The following EXPH5 variants were observed in gnomAD, a reference collection of about 807,000 sequenced individuals.
The protein encoded by EXPH5 is exophilin-5.
Under a neutral mutation model 41.1 loss-of-function variants are expected in EXPH5, and 42 were observed. That is an observed-to-expected ratio of 1.02 (90% confidence interval 0.80 to 1.32). The LOEUF is 1.32. EXPH5 is among the 40% of genes most tolerant of loss of function. The probability of loss-of-function intolerance (pLI) is 0.00; values close to 1 mark genes in which losing one functional copy is unlikely to be tolerated. For missense variants in EXPH5, 2,298 were observed against 2,314.5 expected, an observed-to-expected ratio of 0.99 and a Z score of 0.15; for synonymous variants, 798 against 833.5, an observed-to-expected ratio of 0.96 and a Z score of 0.73.
chr11:108,573,198 A>AAAG lies in EXPH5; in HGVS notation c.119+20219_119+20220insCTT, dbSNP rs2094068640. Among the ~76,000 whole-genome samples the AAAG allele has an allele frequency of 7.3e-3, 789 of 108,274 alleles. 15 individuals are homozygous for AAAG. Among genetic ancestry groups the AAAG allele is most frequent in the East Asian group, 0.066 (238 of 3,608 alleles). The allele number at this position is 108,274 out of a possible 152,430, so 71.0% of individuals were successfully genotyped here. A position where few individuals can be genotyped will look rare whatever the true frequency, so the allele number is the denominator to read the frequency against. On this transcript the variant is annotated intron_variant, in intron 1 of 5. Coordinates refer to ENST00000265843, the MANE Select transcript of EXPH5 (RefSeq NM_015065.3). ...AAAGAAAGAAAGAAAGAAAGAAAGA[A>AAAG]AAAGAAAGAAAGAAAGAAAGAAAGG... is the stretch of plus-strand genomic sequence containing the variant.
chr11:108,601,829 A>T, the EXPH5 span, among the ~76,000 whole-genome samples: 1 of 151,720 alleles, frequency 6.6e-6, no homozygotes, highest in Non-Finnish European at 1.5e-5. Context: ...GCTCACTGCA[A>T]CCTCCACTTC....
intron 3 of EXPH5, among the ~76,000 whole-genome samples, chr11:108,532,362 ATATATTTTTTTTTTTTTTTT>A (rs1326203926): frequency 2.0e-4 from 4 of 20,152 alleles, no homozygotes; most frequent in African/African-American, 1.5e-3. Context: ...ATATATATAT[ATATATTTTTTTTTTTTTTTT>A]TTTTTTTTTT....
At chr11:108,594,539 A>T (rs1427926511), upstream of EXPH5, among the ~76,000 whole-genome samples, 1 of 152,234 alleles carries the variant, frequency 6.6e-6, no homozygotes, top group Non-Finnish European at 1.5e-5. Context: ...ATTGTTCCAC[A>T]ATGCAATGAA....
chr11:108,568,421 C>A (rs1017984666), intron 1 of EXPH5, among the ~76,000 whole-genome samples: 1 of 152,068 alleles, frequency 6.6e-6, no homozygotes. Flanking sequence ...AGCTTCTCTC[C>A]CAGAAGTCCT....
intron 3 of EXPH5, among the ~76,000 whole-genome samples, chr11:108,532,382 T>A (rs1203737058): frequency 3.2e-4 from 21 of 65,944 alleles, no homozygotes; most frequent in African/African-American, 1.8e-3. Flanking sequence ...TTTTTTTTTT[T>A]TTTTTTTTTT....
Position 108,510,568 on chromosome 11 carries a change from T to C in EXPH5, c.4939A>G (p.Thr1647Ala), listed in dbSNP as rs781010016. The C allele has an allele frequency of 4.3e-6, 7 of 1,613,864 alleles. No homozygotes were observed. In the Admixed American group the frequency reaches 5.0e-5, roughly 12 times the overall value. ...VECNPLFPEP[T>A]PKSAESIGES... ...CCAATGGACTCTGCAGATTTTGGAG[T>C]AGGCTCAGGGAACAGTGGGTTGCAC... Residue 1647 changes from threonine (T) to alanine (A), a missense_variant, in exon 6 of 6, where the codon ACT becomes GCT. Transcript: ENST00000265843.
At chr11:108,527,174 G>T (rs1243164473) in intron 4 of EXPH5, among the ~76,000 whole-genome samples, 1 of 152,076 alleles carries the variant, frequency 6.6e-6, no homozygotes, top group Non-Finnish European at 1.5e-5. Context: ...ATAAAAATTA[G>T]CTGGGTGTGG....
chr11:108,552,765 C>T (rs1424302570), intron 1 of EXPH5, among the ~76,000 whole-genome samples: 1 of 152,112 alleles, frequency 6.6e-6, no homozygotes, highest in Non-Finnish European at 1.5e-5. Flanking sequence ...CCCAAACAAA[C>T]AAAACTAGCT....
intron 4 of EXPH5, among the ~76,000 whole-genome samples, chr11:108,526,669 G>C (rs1162622091): frequency 6.6e-6 from 1 of 152,212 alleles, no homozygotes; most frequent in Non-Finnish European, 1.5e-5. Flanking sequence ...TGGGGTCCAT[G>C]TGCAAACAGC....
chr11:108,525,060 T>A (rs992268231), intron 4 of EXPH5, among the ~76,000 whole-genome samples: 7 of 152,126 alleles, frequency 4.6e-5, no homozygotes, highest in Non-Finnish European at 1.0e-4. Flanking sequence ...GATCTGATGG[T>A]TTTATAAGAG....
chr11:108,602,308 G>T, the EXPH5 span, among the ~76,000 whole-genome samples: 108,186 of 152,058 alleles, frequency 0.71, 42,167 homozygotes, highest in Non-Finnish European at 0.87. Flanking sequence ...GCCAGGCACT[G>T]TTTTACAGCT....
chr11:108,538,350 C>A (rs530904748), intron 3 of EXPH5: 378 of 585,726 alleles, frequency 6.5e-4, no homozygotes, highest in Non-Finnish European at 7.6e-4. Flanking sequence ...TTAAGCATAG[C>A]CTTGCTTGTT....
At chr11:108,574,858 T>G (rs957247669) in intron 1 of EXPH5, among the ~76,000 whole-genome samples, 3 of 152,236 alleles carry the variant, frequency 2.0e-5, no homozygotes, top group African/African-American at 4.8e-5. Flanking sequence ...TTGTCACCAC[T>G]ATTTCCTTTT....
At chr11:108,565,362 T>C (rs7945944) in intron 1 of EXPH5, among the ~76,000 whole-genome samples, 16,174 of 152,210 alleles carry the variant, frequency 0.11, 1,978 homozygotes, top group African/African-American at 0.3. Flanking sequence ...ATTCACAGGC[T>C]AGTCTATTTC....
chr11:108,596,144 G>A (rs1005100197), upstream of EXPH5, among the ~76,000 whole-genome samples: 5 of 151,394 alleles, frequency 3.3e-5, no homozygotes, highest in African/African-American at 1.2e-4. Flanking sequence ...GCAGTGAGCC[G>A]AGATCACACC....
At chr11:108,562,142 C>T (rs764870762) in intron 1 of EXPH5, among the ~76,000 whole-genome samples, 12 of 152,116 alleles carry the variant, frequency 7.9e-5, no homozygotes, top group Non-Finnish European at 1.3e-4. Context: ...ATAATGAAAA[C>T]ATCCAGCCAT....
chr11:108,569,881 G>A (rs12789695), intron 1 of EXPH5, among the ~76,000 whole-genome samples: 21,964 of 152,258 alleles, frequency 0.14, 1,766 homozygotes, highest in Middle Eastern at 0.2. Flanking sequence ...GCACTGGCAG[G>A]AGGGTCTTGG....
chr11:108,561,422 T>C (rs571689391), intron 1 of EXPH5, among the ~76,000 whole-genome samples: 1 of 152,148 alleles, frequency 6.6e-6, no homozygotes, highest in Non-Finnish European at 1.5e-5. Context: ...CACCCAAAAA[T>C]AGCACTCGAT....
chr11:108,529,512 T>C (rs2093822889), intron 3 of EXPH5, among the ~76,000 whole-genome samples: 1 of 152,120 alleles, frequency 6.6e-6, no homozygotes, highest in Admixed American at 6.5e-5. Context: ...CTTTTAAATC[T>C]ACAGTCTCAT....
Sources: gnomAD v4.1 joint callset for allele counts (sites outside exome capture counted in the v4.1 genomes callset) on GRCh38, gnomAD v4.1.1 for gene constraint, MANE v1.5 for transcripts, NCBI Gene and HGNC (gene_info 2026-07-23, HGNC 2026-07-21) for gene names.